ZBTB44: variants seen among roughly 807,000 people sequenced by gnomAD.
ZBTB44 encodes zinc finger and BTB domain containing 44, also known as zinc finger and BTB domain-containing protein 44.
A neutral mutation model predicts 54.0 loss-of-function variants in ZBTB44; 15 were observed. That is an observed-to-expected ratio of 0.28 (90% CI 0.19 to 0.43). The LOEUF (loss-of-function observed/expected upper bound fraction) is 0.43. Among genes scored for constraint, ZBTB44 ranks in the 20% least tolerant of loss-of-function variants. ZBTB44 has a pLI of 1.00. For missense variants in ZBTB44, 487 were observed against 707.1 expected, an observed-to-expected ratio of 0.69 and a Z score of 3.53; for synonymous variants, 230 against 250.1, an observed-to-expected ratio of 0.92 and a Z score of 0.76.
At chr11:130,263,056 G>T (rs145904350) in intron 1 of ZBTB44, among the ~76,000 whole-genome samples, 1 of 152,138 alleles carries the variant, frequency 6.6e-6, no homozygotes, top group Non-Finnish European at 1.5e-5. Context: ...GTAAGACCCC[G>T]TCTAAAAAAA....
At chr11:130,308,766 G>C (rs1206372880) in intron 1 of ZBTB44, among the ~76,000 whole-genome samples, 1 of 152,112 alleles carries the variant, frequency 6.6e-6, no homozygotes, top group Non-Finnish European at 1.5e-5. Context: ...ATTTTACTGA[G>C]ATTAAAGACA....
At chr11:130,281,638 C>T (rs1042784717) in intron 1 of ZBTB44, among the ~76,000 whole-genome samples, 23 of 151,834 alleles carry the variant, frequency 1.5e-4, no homozygotes, top group Non-Finnish European at 2.4e-4. Context: ...TCTGTCACCC[C>T]GGCTAGAGTG....
intron 1 of ZBTB44, among the ~76,000 whole-genome samples, chr11:130,270,071 C>T (rs1039784284): frequency 3.3e-5 from 5 of 152,240 alleles, no homozygotes; most frequent in South Asian, 2.1e-4. Context: ...TATAAAGTGA[C>T]GTGGCTGCTT....
At chr11:130,296,695 T>C (rs746657281) in intron 1 of ZBTB44, 25 of 1,048,924 alleles carry the variant, frequency 2.4e-5, no homozygotes, top group Admixed American at 1.7e-4. Flanking sequence ...TTAAGTGAAT[T>C]TGACTTTTCC....
At chr11:130,290,294 G>A (rs982713964) in intron 1 of ZBTB44, among the ~76,000 whole-genome samples, 10 of 152,180 alleles carry the variant, frequency 6.6e-5, no homozygotes, top group Non-Finnish European at 1.2e-4. Context: ...TAGATCCTTC[G>A]GAGGGAAGGA....
intron 4 of ZBTB44, 83 bp from the exon 5 acceptor site, chr11:130,237,176 C>A: frequency 7.7e-7 from 1 of 1,297,924 alleles, no homozygotes; most frequent in Non-Finnish European, 1.0e-6. Context: ...AACTATATTT[C>A]TGTAGCAACA....
chr11:130,273,066 C>T (rs1224660729), intron 1 of ZBTB44, among the ~76,000 whole-genome samples: 2 of 152,154 alleles, frequency 1.3e-5, no homozygotes, highest in Non-Finnish European at 2.9e-5. Context: ...CAGAATCAGA[C>T]TGTCAATCTT....
At chr11:130,287,122 C>G (rs1308533358) in intron 1 of ZBTB44, among the ~76,000 whole-genome samples, 1 of 152,178 alleles carries the variant, frequency 6.6e-6, no homozygotes, top group Non-Finnish European at 1.5e-5. Context: ...CATACCACTA[C>G]AGAATTTCTT....
At chr11:130,284,074 A>C (rs1214833984) in intron 1 of ZBTB44, among the ~76,000 whole-genome samples, 1 of 151,326 alleles carries the variant, frequency 6.6e-6, no homozygotes, top group Non-Finnish European at 1.5e-5. Context: ...AGATCACCTG[A>C]GGTCGGAAGT....
intron 1 of ZBTB44, among the ~76,000 whole-genome samples, chr11:130,262,302 G>A (rs1591980083): frequency 6.6e-6 from 1 of 152,158 alleles, no homozygotes; most frequent in East Asian, 1.9e-4. Flanking sequence ...CTCATGCCTG[G>A]CTAAGTTTTG....
intron 1 of ZBTB44, among the ~76,000 whole-genome samples, chr11:130,278,229 G>A (rs1940248530): frequency 6.6e-6 from 1 of 152,178 alleles, no homozygotes; most frequent in African/African-American, 2.4e-5. Context: ...CTAGCTTAAA[G>A]TGCTCAAAAC....
chr11:130,314,155 G>T (rs1420981856), intron 1 of ZBTB44, among the ~76,000 whole-genome samples: 2 of 152,276 alleles, frequency 1.3e-5, no homozygotes, highest in South Asian at 2.1e-4. Flanking sequence ...GAAGGTCGGG[G>T]TAACTGCTCC....
Position 130,261,477 on chromosome 11 carries a change from G to C in ZBTB44, c.397C>G (p.Pro133Ala). The change falls in exon 2 of 8, where the codon CCC becomes GCC. Residue 133 changes from proline (P) to alanine (A), a missense_variant. Physicochemically the swap from Pro to Ala is conservative, Grantham distance 27. Coordinates refer to ENST00000357899, the MANE Select transcript of ZBTB44 (RefSeq NM_001301098.2). The surrounding 1 kb of genome is among the most constrained non-coding windows in gnomAD (Gnocchi z 4.8). Reference sequence around the variant, plus strand: ...AGACCCTTTTCAGGTTGGCTGTTGGGTGTATTCCATAAAATGCTTGATTTC... The same window carrying C: ...AGACCCTTTTCAGGTTGGCTGTTGGCTGTATTCCATAAAATGCTTGATTTC... Reference protein sequence around the residue: ...FMKSSILWNTPNSQPEKGLDA... With the variant: ...FMKSSILWNTANSQPEKGLDA... The C allele has an allele frequency of 1.2e-6, 2 of 1,613,972 alleles. No individual in the cohort carries two copies. The highest frequency in any genetic ancestry group is 1.6e-4 in the Middle Eastern group (1 of 6,062).
At chr11:130,257,255 A>AAG (rs1555167466) in intron 2 of ZBTB44, among the ~76,000 whole-genome samples, 5 of 151,642 alleles carry the variant, frequency 3.3e-5, no homozygotes, top group African/African-American at 1.2e-4. Context: ...AAAAAAAAAA[A>AAG]AAAAGAAAAA....
rs548437847 is a variant in ZBTB44 at position 130,228,972 on chromosome 11, G to T, written c.*2792C>A. 5 of 152,278 alleles carry T rather than the reference G, an allele frequency of 3.3e-5. No individual in the cohort carries two copies. In the East Asian group the frequency reaches 7.7e-4, roughly 23 times the overall value. The allele number at this position is 152,278 out of a possible 1,614,324, so 9.4% of individuals were successfully genotyped here. The stretch of plus-strand genomic sequence containing the variant: ...AAATTTTAAAGTTAAAAAAAGTTTT[G>T]TTTTTAATCCGCAGTCCTTACTCTT... On this transcript the variant is annotated 3_prime_UTR_variant, in exon 8 of 8. Coordinates refer to ENST00000357899, the MANE Select transcript of ZBTB44 (RefSeq NM_001301098.2).
intron 1 of ZBTB44, among the ~76,000 whole-genome samples, chr11:130,271,322 C>T (rs930769873): frequency 6.6e-6 from 1 of 152,086 alleles, no homozygotes; most frequent in African/African-American, 2.4e-5. Flanking sequence ...TTCTAAATTC[C>T]ATTTCTCATC....
Position 130,307,450 on chromosome 11 carries a change from T to TAA in ZBTB44, c.-57+6924_-57+6925insTT, listed in dbSNP as rs528555494. 1.9e-3 allele frequency among the ~76,000 whole-genome samples: 294 copies of TAA among 151,964 alleles called. 1 individual carries two copies. The highest frequency in any genetic ancestry group is 3.1e-3 in the Non-Finnish European group (211 of 67,968). On this transcript the variant is annotated intron_variant, in intron 1 of 7. Coordinates refer to ENST00000357899, the MANE Select transcript of ZBTB44 (RefSeq NM_001301098.2). ...AAAAAAAAAAAAAAAAGTCTACTGT[T>TAA]ATTGTTTTATCACATACCTATCCAT...
At chr11:130,276,247 G>GAAAAGA (rs1555171849) in intron 1 of ZBTB44, among the ~76,000 whole-genome samples, 1,598 of 34,296 alleles carry the variant, frequency 0.047, 44 homozygotes, top group African/African-American at 0.13. Context: ...AAAAAAAAAA[G>GAAAAGA]AAAAAAGAAA....
intron 1 of ZBTB44, among the ~76,000 whole-genome samples, chr11:130,286,301 CT>C (rs1264186792): frequency 1.3e-5 from 2 of 152,282 alleles, no homozygotes; most frequent in East Asian, 3.9e-4. Flanking sequence ...TTAGCCTATT[CT>C]GATTATCTGA....
Sources: allele counts gnomAD v4.1 joint callset (sites outside exome capture counted in the v4.1 genomes callset), GRCh38; gene constraint gnomAD v4.1.1; non-coding constraint Gnocchi (gnomAD v3.1); transcripts MANE v1.5; gene names NCBI Gene and HGNC (gene_info 2026-07-23, HGNC 2026-07-21).